The following ARMC2 variants were observed in gnomAD, a reference collection of about 807,000 sequenced individuals.
The protein encoded by ARMC2 is armadillo repeat-containing protein 2.
In ARMC2, 67 loss-of-function variants were observed where a neutral mutation model predicts 90.3. That is an observed-to-expected ratio of 0.74 (90% CI 0.61 to 0.91). The LOEUF is 0.91. Among genes scored for constraint, ARMC2 ranks in the 40% least tolerant of loss-of-function variants. The pLI is 0.00. For missense variants in ARMC2, 920 were observed against 1,030.9 expected, an observed-to-expected ratio of 0.89 and a Z score of 1.47; for synonymous variants, 393 against 393.0, an observed-to-expected ratio of 1.00 and a Z score of 0.00.
the ARMC2 span, among the ~76,000 whole-genome samples, chr6:109,025,656 G>A: frequency 6.6e-6 from 1 of 151,508 alleles, no homozygotes; most frequent in Non-Finnish European, 1.5e-5. Context: ...AGACAGATTT[G>A]AAAATGAATG....
intron 4 of ARMC2, among the ~76,000 whole-genome samples, chr6:108,870,309 C>T (rs1490488175): frequency 6.6e-6 from 1 of 152,030 alleles, no homozygotes; most frequent in Non-Finnish European, 1.5e-5. Flanking sequence ...TGTGAAAAAT[C>T]AGAAAATCTG....
intron 5 of ARMC2, among the ~76,000 whole-genome samples, chr6:108,891,163 T>C (rs1322403585): frequency 1.3e-5 from 2 of 152,264 alleles, no homozygotes; most frequent in Non-Finnish European, 2.9e-5. Flanking sequence ...GATGGACATT[T>C]GGGTTGGTTC....
At chr6:108,912,589 G>A (rs766468166) in intron 10 of ARMC2, 31 bp downstream of exon 10, 5 of 1,560,952 alleles carry the variant, frequency 3.2e-6, no homozygotes, top group African/African-American at 1.4e-5. Context: ...CGTTAGATGT[G>A]TAAAATTAGT....
rs1254664208 is a variant in ARMC2, at chr6:108,965,073, T to C, written c.2379T>C (p.Thr793=). 3 of 1,613,752 alleles carry C rather than the reference T, an allele frequency of 1.9e-6. No individual in the cohort carries two copies. The highest frequency in any genetic ancestry group is 2.5e-6 in the Non-Finnish European group (3 of 1,179,680). The change falls in exon 17 of 18, where the codon ACT becomes ACC. Residue 793 remains threonine, a synonymous_variant. Coordinates refer to ENST00000392644, the MANE Select transcript of ARMC2 (RefSeq NM_032131.6). ...TATGGAACTTCAGTGAAAACATCAC[T>C]AATGCTTCGTCATGTTTTGGAAATG... ...KTLWNFSENI[T]NASSCFGNED... is the part of the protein sequence containing the mutation.
At chr6:109,048,574 C>T in the ARMC2 span, among the ~76,000 whole-genome samples, 1 of 152,166 alleles carries the variant, frequency 6.6e-6, no homozygotes, top group African/African-American at 2.4e-5. Flanking sequence ...CCTCTAACCT[C>T]TGAGAGGAGT....
Position 108,876,163 on chromosome 6 carries a change from A to C in ARMC2, c.484A>C (p.Lys162Gln). 6.2e-7 allele frequency: 1 copy of C among 1,609,696 alleles called. No homozygotes were observed. Among genetic ancestry groups the C allele is most frequent in the Non-Finnish European group, 8.5e-7 (1 of 1,178,792 alleles). Reference protein sequence around the residue: ...PSDSKKTVESKETVMMGDSMV... With the variant: ...PSDSKKTVESQETVMMGDSMV... The stretch of plus-strand genomic sequence containing the variant: ...TGCAGCAAAGAAGACAGTGGAATCC[A>C]AAGAAACAGTTATGATGGGGGACTC... Residue 162 changes from lysine to glutamine, a missense_variant, in exon 5 of 18, where the codon AAA (lysine) becomes CAA (glutamine). Transcript: ENST00000392644.
chr6:108,926,512 G>A (rs1053889472), intron 10 of ARMC2, among the ~76,000 whole-genome samples: 2 of 152,144 alleles, frequency 1.3e-5, no homozygotes, highest in South Asian at 2.1e-4. Context: ...ATCACTTGAG[G>A]CCAGGAGTTT....
At chr6:108,888,811 T>G (rs941776380) in intron 5 of ARMC2, among the ~76,000 whole-genome samples, 3 of 152,188 alleles carry the variant, frequency 2.0e-5, no homozygotes, top group African/African-American at 7.2e-5. Flanking sequence ...TTGAATGTGT[T>G]CCTTCTTCTC....
Position 108,974,074 on chromosome 6 carries a change from A to C in ARMC2, c.*560A>C, listed in dbSNP as rs932132806. ...TGGGCCATCTGTTCTTTATTAAATA[A>C]GTAAAATAGATAAAATGAGAGTATA... On this transcript the variant is annotated 3_prime_UTR_variant, in exon 18 of 18. Transcript: ENST00000392644. The C allele has an allele frequency of 6.6e-6, 1 of 152,244 alleles. No homozygotes were observed. Among genetic ancestry groups the C allele is most frequent in the Non-Finnish European group, 1.5e-5 (1 of 68,056 alleles). 9.4% of individuals were successfully genotyped at this position (152,244 alleles called of 1,614,324 possible). A position where few individuals can be genotyped will look rare whatever the true frequency, so the allele number is the denominator to read the frequency against.
At chr6:108,952,326 T>C (rs1346044239) in intron 12 of ARMC2, among the ~76,000 whole-genome samples, 2 of 152,226 alleles carry the variant, frequency 1.3e-5, no homozygotes, top group Non-Finnish European at 2.9e-5. Flanking sequence ...ATAGCCTATA[T>C]ACAGAAAAGT....
the ARMC2 span, among the ~76,000 whole-genome samples, chr6:109,022,407 A>T: frequency 6.9e-6 from 1 of 144,498 alleles, no homozygotes; most frequent in African/African-American, 2.6e-5. Flanking sequence ...GCATTGTTCT[A>T]AAGCTTTTTT....
the ARMC2 span, chr6:109,002,273 C>T: frequency 8.1e-6 from 13 of 1,612,192 alleles, no homozygotes; most frequent in Middle Eastern, 1.6e-4. Flanking sequence ...TCACAAACAA[C>T]GTACCTCCTT....
At chr6:108,866,180 A>C (rs573453187) in intron 3 of ARMC2, among the ~76,000 whole-genome samples, 1 of 152,206 alleles carries the variant, frequency 6.6e-6, no homozygotes, top group Non-Finnish European at 1.5e-5. Flanking sequence ...TAAGAAAACC[A>C]CACGTCTATC....
chr6:108,855,614 C>T (rs1260749), intron 2 of ARMC2, among the ~76,000 whole-genome samples: 6,964 of 152,230 alleles, frequency 0.046, 558 homozygotes, highest in African/African-American at 0.16. Flanking sequence ...GGGAAGATTG[C>T]GTTTAGCTTT....
At position 108,924,293 on chromosome 6, in the gene ARMC2, G is replaced by A. The variant is rs191151410; in HGVS notation, c.1351-3795G>A. Among the ~76,000 whole-genome samples the A allele has an allele frequency of 2.5e-3, 380 of 152,208 alleles. 4 individuals are homozygous for A. The highest frequency in any genetic ancestry group is 0.022 in the Admixed American group (337 of 15,292). On this transcript the variant is annotated intron_variant, in intron 10 of 17. Coordinates refer to ENST00000392644, the MANE Select transcript of ARMC2 (RefSeq NM_032131.6). ...AGCACTTTGGGAGGCCGAGGCGGGC[G>A]GATCACTTGAGGTCAGGAGTTCAAG...
chr6:108,999,116 A>T, the ARMC2 span: 1 of 165,664 alleles, frequency 6.0e-6, no homozygotes, highest in East Asian at 1.8e-4. Flanking sequence ...ATTTGTGTTT[A>T]AAAGTAGAAG....
At chr6:109,044,933 G>T in the ARMC2 span, among the ~76,000 whole-genome samples, 3 of 151,930 alleles carry the variant, frequency 2.0e-5, no homozygotes, top group Non-Finnish European at 4.4e-5. Flanking sequence ...TGAGGCAAGA[G>T]AATCGGTTGA....
At chr6:108,997,644 G>A in the ARMC2 span, among the ~76,000 whole-genome samples, 3 of 152,094 alleles carry the variant, frequency 2.0e-5, no homozygotes, top group African/African-American at 7.2e-5. Context: ...AGATACAAAA[G>A]AACTGAGATT....
chr6:109,042,562 A>G, the ARMC2 span, among the ~76,000 whole-genome samples: 9 of 151,752 alleles, frequency 5.9e-5, no homozygotes, highest in Admixed American at 2.6e-4. Flanking sequence ...CAAAGACCAA[A>G]AGATAATAAT....
Sources: gnomAD v4.1 joint callset for allele counts (sites outside exome capture counted in the v4.1 genomes callset) on GRCh38, gnomAD v4.1.1 for gene constraint, MANE v1.5 for transcripts, NCBI Gene and HGNC (gene_info 2026-07-23, HGNC 2026-07-21) for gene names.